CUL9: variants seen among roughly 807,000 people sequenced by gnomAD.
The protein encoded by CUL9 is cullin 9.
A neutral mutation model predicts 272.6 loss-of-function variants in CUL9; 79 were observed. The ratio of observed to expected loss-of-function variants is 0.29; its 90% CI spans 0.24 to 0.35. The LOEUF (loss-of-function observed/expected upper bound fraction) is 0.35, where lower values mean the gene tolerates loss of function less well. CUL9 is among the 10% of genes least tolerant of loss of function. The probability of loss-of-function intolerance (pLI) is 1.00; values close to 1 mark genes in which losing one functional copy is unlikely to be tolerated. For synonymous variants in CUL9, 1,186 were observed against 1,286.5 expected, an observed-to-expected ratio of 0.92 and a Z score of 1.67; for missense variants, 2,532 against 3,255.6, an observed-to-expected ratio of 0.78 and a Z score of 5.41.
At position 43,196,836 on chromosome 6, in the gene CUL9, A is replaced by AGCC. The variant is rs1195920858; in HGVS notation, c.2782_2784dup (p.Pro928dup). On this transcript the variant is annotated inframe_insertion, in exon 11 of 41. Coordinates refer to ENST00000252050, the MANE Select transcript of CUL9 (RefSeq NM_015089.4). The stretch of plus-strand genomic sequence containing the variant: ...ATGATGCTTCTCAATCGCTACTCAG[A>AGCC]GCCGCCGGGCAGCCCTGAGCGTGCA... The AGCC allele has an allele frequency of 2.5e-6, 4 of 1,614,016 alleles. No individual in the cohort carries two copies. The highest frequency in any genetic ancestry group is 3.4e-6 in the Non-Finnish European group (4 of 1,180,046).
chr6:43,205,115 C>G lies in CUL9; in HGVS notation c.4632C>G (p.His1544Gln), dbSNP rs77842851. 6.3e-7 allele frequency: 1 copy of G among 1,581,752 alleles called. No individual in the cohort carries two copies. Residue 1544 changes from histidine to glutamine, a missense_variant and splice_region_variant, in exon 23 of 41, where the codon CAC (histidine) becomes CAG (glutamine). Transcript: ENST00000252050. The part of the protein sequence containing the change: ...LLQQSFLTAA[H>Q]MSEQFARYID... Reference sequence around the variant, plus strand: ...AGCAGTCCTTCCTCACTGCTGCTCACGTGAGTCCCACCAGCTCCCCACAGG... The same window carrying G: ...AGCAGTCCTTCCTCACTGCTGCTCAGGTGAGTCCCACCAGCTCCCCACAGG...
rs1282015927 is a variant in CUL9 at position 43,186,366 on chromosome 6, C to T, written c.1162C>T (p.Arg388Ter). 2 of 1,613,964 alleles carry T rather than the reference C, an allele frequency of 1.2e-6. No homozygotes were observed. The highest frequency in any genetic ancestry group is 1.3e-5 in the African/African-American group (1 of 74,912). The change falls in exon 4 of 41, where the codon CGA becomes TGA. Residue 388 changes from arginine to a stop codon, truncating the protein, a stop_gained. Coordinates refer to ENST00000252050, the MANE Select transcript of CUL9 (RefSeq NM_015089.4). LOFTEE classifies it high-confidence loss of function. ...GCAGCAGACACTGCAGCCAGGGATGCGAGTGCGGATGCTGGATGATTATGA... is the reference window on the plus strand; with the variant it reads ...GCAGCAGACACTGCAGCCAGGGATGTGAGTGCGGATGCTGGATGATTATGA... ...YVQQTLQPGM[R>*]VRMLDDYEEI...
rs566223714 is a variant in CUL9 at position 43,217,224 on chromosome 6, G to A, written c.6282+721G>A. Among the ~76,000 whole-genome samples, 26 of 152,246 alleles carry A rather than the reference G, an allele frequency of 1.7e-4. No homozygotes were observed. The South Asian group carries it at 5.2e-3, about 30-fold the overall frequency. On this transcript the variant is annotated intron_variant, in intron 31 of 40. Transcript: ENST00000252050. The stretch of plus-strand genomic sequence containing the variant: ...ATACAAAAATAAGATGGGCATGGTG[G>A]TGCACACCTATAGTCCCAGCTACTT...
At chr6:43,214,005 C>T (rs1775735231) in intron 29 of CUL9, 93 bp downstream of exon 29, 1 of 1,262,372 alleles carries the variant, frequency 7.9e-7, no homozygotes, top group Non-Finnish European at 1.1e-6. Context: ...TATAAGACTT[C>T]TGTAGGGTGA....
intron 30 of CUL9, among the ~76,000 whole-genome samples, chr6:43,215,578 G>T (rs1165710181): frequency 6.6e-6 from 1 of 152,192 alleles, no homozygotes; most frequent in Non-Finnish European, 1.5e-5. Flanking sequence ...CTTTCAGGAA[G>T]TTTGTTCTAC....
At chr6:43,193,302 A>G in intron 9 of CUL9, 94 bp downstream of exon 9, 2 of 1,073,474 alleles carry the variant, frequency 1.9e-6, no homozygotes, top group Non-Finnish European at 2.8e-6. Context: ...GCTTCAGATC[A>G]GTGAGTAGAC....
chr6:43,186,817 G>A, intron 4 of CUL9, 143 bp from the exon 5 acceptor site: 1 of 1,006,678 alleles, frequency 9.9e-7, no homozygotes, highest in South Asian at 1.6e-5. Context: ...GCCATATGGG[G>A]GTTTTTCCAG....
chr6:43,192,045 C>T (rs1773567974), intron 8 of CUL9, among the ~76,000 whole-genome samples: 2 of 149,818 alleles, frequency 1.3e-5, no homozygotes, highest in Admixed American at 6.7e-5. Context: ...AATAGGCAAG[C>T]CTACCCCTTT....
At chr6:43,190,195 C>T (rs764674922) in intron 8 of CUL9, among the ~76,000 whole-genome samples, 1 of 151,742 alleles carries the variant, frequency 6.6e-6, no homozygotes, top group African/African-American at 2.4e-5. Flanking sequence ...ATATTGTCGT[C>T]TTTTTTAATC....
rs781538748 is a variant in CUL9 at position 43,188,553 on chromosome 6, C to T, written c.2018C>T (p.Pro673Leu). Residue 673 changes from proline (P) to leucine (L), a missense_variant, in exon 8 of 41, where the codon CCT becomes CTT. Pro to Leu is a moderately conservative substitution (Grantham distance 98). This residue lies in a region of CUL9 where 2,218 missense variants were observed against 2,788.6 expected (regional missense o/e 0.80). Transcript: ENST00000252050. ...EMARALRGPG[P>L]RSSLDQHVAA... ...GCCAGAGCCTTGCGGGGTCCCGGTCCTCGCAGCTCCCTGGATCAGCATGTG... is the reference window on the plus strand; with the variant it reads ...GCCAGAGCCTTGCGGGGTCCCGGTCTTCGCAGCTCCCTGGATCAGCATGTG... The T allele has an allele frequency of 1.2e-6, 2 of 1,612,484 alleles. No homozygotes were observed. Among genetic ancestry groups the T allele is most frequent in the South Asian group, 1.1e-5 (1 of 90,836 alleles).
chr6:43,182,403 C>A (rs971139904), intron 1 of CUL9, among the ~76,000 whole-genome samples, 154 bp downstream of exon 1: 1 of 150,958 alleles, frequency 6.6e-6, no homozygotes, highest in Admixed American at 6.6e-5. Context: ...GCGCCCCCAA[C>A]CATCCTTCCC....
intron 20 of CUL9, 28 bp downstream of exon 20, chr6:43,204,015 A>G: frequency 6.4e-7 from 1 of 1,570,294 alleles, no homozygotes; most frequent in Non-Finnish European, 8.7e-7. Flanking sequence ...TGGCCCCACT[A>G]ACCAGTTCCT....
At chr6:43,193,727 C>T (rs575010637) in intron 9 of CUL9, among the ~76,000 whole-genome samples, 18 of 151,914 alleles carry the variant, frequency 1.2e-4, no homozygotes, top group Admixed American at 9.9e-4. Flanking sequence ...AGAATGACTC[C>T]CGGGTGTAAA....
At position 43,200,419 on chromosome 6, in the gene CUL9, T is replaced by G. The variant is rs1774417600; in HGVS notation, c.3385-17T>G. On this transcript the variant is annotated splice_polypyrimidine_tract_variant and intron_variant, in intron 14 of 40. Transcript: ENST00000252050. The surrounding 1 kb of genome is among the most constrained non-coding windows in gnomAD (Gnocchi z 4.0). ...TCCCTCTCCTCTTCCTCATTCTCCC[T>G]GATGTTCCGGCTGCAGATGGTGCTG... is the stretch of plus-strand genomic sequence containing the variant. 1 of 1,614,152 alleles carries G rather than the reference T, an allele frequency of 6.2e-7. No individual in the cohort carries two copies. Among genetic ancestry groups the G allele is most frequent in the African/African-American group, 1.3e-5 (1 of 75,016 alleles).
In CUL9 at chr6:43,214,988, G is replaced by T; in HGVS notation, c.5689-91G>T. 2.1e-6 allele frequency: 3 copies of T among 1,443,574 alleles called. No homozygotes were observed. In the South Asian group the frequency reaches 4.1e-5, roughly 20 times the overall value. 89.4% of individuals were successfully genotyped at this position (1,443,574 alleles called of 1,614,324 possible). On this transcript the variant is annotated intron_variant, in intron 29 of 40. Coordinates refer to ENST00000252050, the MANE Select transcript of CUL9 (RefSeq NM_015089.4). ...CAAGACTGTCTCTTAAAAAAAAAGG[G>T]GGGGAAAAATAAGTGGCAGAGCTGG... is the stretch of plus-strand genomic sequence containing the variant.
At chr6:43,204,582 T>C (rs769781427) in intron 21 of CUL9, 43 bp downstream of exon 21, 4 of 1,609,812 alleles carry the variant, frequency 2.5e-6, no homozygotes, top group Admixed American at 3.3e-5. Context: ...CTGCGGACAG[T>C]GGTGTATCTG....
chr6:43,186,802 CT>C, intron 4 of CUL9, 157 bp from the exon 5 acceptor site: 1 of 866,612 alleles, frequency 1.2e-6, no homozygotes, highest in Non-Finnish European at 1.8e-6. Context: ...GGAAGGAAGC[CT>C]TTTGCCATAT....
chr6:43,199,402 G>A lies in CUL9; in HGVS notation c.3156+31G>A. 1.9e-6 allele frequency: 3 copies of A among 1,562,700 alleles called. No homozygotes were observed. The highest frequency in any genetic ancestry group is 2.6e-6 in the Non-Finnish European group (3 of 1,134,260). ...AGAACCCTGGCAAGGAGAAGAGAGG[G>A]AAGGGCAGCATCTGGGGCACCAACT... On this transcript the variant is annotated intron_variant, in intron 13 of 40. Transcript: ENST00000252050. The surrounding 1 kb of genome is among the most constrained non-coding windows in gnomAD (Gnocchi z 4.4).
intron 10 of CUL9, 98 bp downstream of exon 10, chr6:43,196,363 C>T (rs960149704): frequency 1.8e-5 from 22 of 1,202,960 alleles, no homozygotes; most frequent in African/African-American, 1.1e-4. Flanking sequence ...ATTCCCCTCA[C>T]GCTGTCACCT....
Sources: gnomAD v4.1 joint callset for allele counts (sites outside exome capture counted in the v4.1 genomes callset) on GRCh38, gnomAD v4.1.1 for gene constraint, gnomAD v4.1.1 regional missense constraint, Gnocchi (gnomAD v3.1) non-coding constraint, MANE v1.5 for transcripts, NCBI Gene and HGNC (gene_info 2026-07-23, HGNC 2026-07-21) for gene names.